GALNTL6: variants seen among roughly 807,000 people sequenced by gnomAD.
The protein encoded by GALNTL6 is polypeptide N-acetylgalactosaminyltransferase like 6, also known as polypeptide N-acetylgalactosaminyltransferase-like 6.
In GALNTL6, 46 loss-of-function variants were observed where a neutral mutation model predicts 73.7. The observed-to-expected ratio is 0.62, with a 90% confidence interval of 0.49 to 0.80. The LOEUF is 0.80. Ranked by LOEUF, GALNTL6 falls within the 30% of genes least tolerant of loss-of-function variation. GALNTL6 has a pLI of 0.00. For synonymous variants in GALNTL6, 259 were observed against 263.7 expected, an observed-to-expected ratio of 0.98 and a Z score of 0.17; for missense variants, 604 against 755.0, an observed-to-expected ratio of 0.80 and a Z score of 2.34.
chr4:171,845,326 A>C (rs2110850691), intron 2 of GALNTL6, among the ~76,000 whole-genome samples: 1 of 152,314 alleles, frequency 6.6e-6, no homozygotes, highest in African/African-American at 2.4e-5. Flanking sequence ...CCGTAGGAAT[A>C]TGAGTTCTGG....
chr4:172,013,559 T>TC (rs1741088383), intron 2 of GALNTL6, among the ~76,000 whole-genome samples: 1 of 149,186 alleles, frequency 6.7e-6, no homozygotes, highest in Non-Finnish European at 1.5e-5. Context: ...TTAAAATCTT[T>TC]TCTTTTTAAT....
At chr4:172,254,355 C>A (rs900688464) in intron 3 of GALNTL6, among the ~76,000 whole-genome samples, 5 of 151,616 alleles carry the variant, frequency 3.3e-5, no homozygotes, top group African/African-American at 4.8e-5. Flanking sequence ...AGAGGGAGGC[C>A]ATCTTTTAAC....
At chr4:171,934,705 T>C (rs1445702517) in intron 2 of GALNTL6, among the ~76,000 whole-genome samples, 1 of 152,130 alleles carries the variant, frequency 6.6e-6, no homozygotes, top group Non-Finnish European at 1.5e-5. Flanking sequence ...CATGAGCCAC[T>C]GCACCCAGCC....
At chr4:172,913,686 G>C (rs1747342201) in intron 8 of GALNTL6, among the ~76,000 whole-genome samples, 1 of 151,790 alleles carries the variant, frequency 6.6e-6, no homozygotes, top group Admixed American at 6.6e-5. Context: ...AAGAGAAGTT[G>C]AAAGAAAAAA....
At chr4:172,401,986 T>C (rs1744059952) in intron 5 of GALNTL6, among the ~76,000 whole-genome samples, 1 of 150,708 alleles carries the variant, frequency 6.6e-6, no homozygotes. Flanking sequence ...GAGAGATCTT[T>C]ATTAACAGAC....
rs756622111 is a variant in GALNTL6 at position 172,809,355 on chromosome 4, A to C, written c.554-6A>C. 1 of 1,612,382 alleles carries C rather than the reference A, an allele frequency of 6.2e-7. No homozygotes were observed. The highest frequency in any genetic ancestry group is 8.5e-7 in the Non-Finnish European group (1 of 1,178,890). ...TTTTTCTATGCATTCTCTACTTCCT[A>C]CCTAGAACACCTGAAGGATAAATTG... On this transcript the variant is annotated splice_region_variant and splice_polypyrimidine_tract_variant and intron_variant, in intron 5 of 12. Transcript: ENST00000506823. This position sits in a 1 kb window ranked among gnomAD's most constrained non-coding sequence, Gnocchi z 4.4.
At chr4:172,995,916 G>A (rs1017225386) in intron 10 of GALNTL6, among the ~76,000 whole-genome samples, 6 of 152,060 alleles carry the variant, frequency 3.9e-5, no homozygotes, top group Non-Finnish European at 8.8e-5. Context: ...ACCTGACCAC[G>A]CCTCTGTTCC....
intron 5 of GALNTL6, among the ~76,000 whole-genome samples, chr4:172,401,156 A>G (rs1365397071): frequency 1.3e-5 from 2 of 152,054 alleles, no homozygotes; most frequent in East Asian, 1.9e-4. Flanking sequence ...TGTTGTTTCT[A>G]TTACATGAAC....
intron 5 of GALNTL6, among the ~76,000 whole-genome samples, chr4:172,410,547 T>C (rs1416796236): frequency 2.6e-5 from 4 of 152,104 alleles, no homozygotes; most frequent in Admixed American, 2.6e-4. Flanking sequence ...ACTTACTAAT[T>C]AGCTAACTGC....
chr4:172,562,335 C>T (rs938532817), intron 5 of GALNTL6, among the ~76,000 whole-genome samples: 2 of 152,168 alleles, frequency 1.3e-5, no homozygotes, highest in Non-Finnish European at 2.9e-5. Context: ...TACCATTCAG[C>T]AAGAATGTAT....
chr4:171,963,792 G>A (rs1487635632), intron 2 of GALNTL6, among the ~76,000 whole-genome samples: 1 of 151,496 alleles, frequency 6.6e-6, no homozygotes, highest in African/African-American at 2.4e-5. Flanking sequence ...GGAAGAGAGA[G>A]AATAAAAGGC....
chr4:172,535,318 TC>T (rs903063193), intron 5 of GALNTL6, among the ~76,000 whole-genome samples: 2 of 152,200 alleles, frequency 1.3e-5, no homozygotes, highest in Middle Eastern at 3.2e-3. Context: ...GTTTATTCAT[TC>T]CAGTGATTCT....
intron 5 of GALNTL6, among the ~76,000 whole-genome samples, chr4:172,705,658 T>C (rs1275269814): frequency 6.6e-6 from 1 of 152,056 alleles, no homozygotes; most frequent in East Asian, 1.9e-4. Context: ...GAACTCCCTT[T>C]AGCATTCTTA....
chr4:171,859,300 T>C (rs1239640600), intron 2 of GALNTL6, among the ~76,000 whole-genome samples: 4 of 152,220 alleles, frequency 2.6e-5, no homozygotes, highest in Non-Finnish European at 5.9e-5. Flanking sequence ...GTTATTTATA[T>C]TTTAATCTAA....
At chr4:173,038,247 G>A (rs188354006) in intron 12 of GALNTL6, among the ~76,000 whole-genome samples, 1 of 152,330 alleles carries the variant, frequency 6.6e-6, no homozygotes, top group East Asian at 1.9e-4. Flanking sequence ...TTGGGGCTGG[G>A]AGAATGAGCA....
At chr4:172,353,693 C>G (rs923258040) in intron 5 of GALNTL6, among the ~76,000 whole-genome samples, 6 of 151,338 alleles carry the variant, frequency 4.0e-5, no homozygotes, top group Non-Finnish European at 8.8e-5. Context: ...AGATTTTATG[C>G]CAAGTTCACA....
rs141448718 is a variant in GALNTL6 at position 172,542,953 on chromosome 4, C to T, written c.553+194264C>T. 1.4e-4 allele frequency among the ~76,000 whole-genome samples: 22 copies of T among 151,984 alleles called. No individual in the cohort carries two copies. In the East Asian group the frequency reaches 3.9e-3, roughly 27 times the overall value. ...TAAAAAAAAAAATACAAAAATTAGC[C>T]GGGCGTGGTGGCACGTGCCTGTAAT... On this transcript the variant is annotated intron_variant, in intron 5 of 12. Transcript: ENST00000506823.
intron 3 of GALNTL6, among the ~76,000 whole-genome samples, chr4:172,276,283 G>T (rs1283176200): frequency 6.6e-6 from 1 of 152,124 alleles, no homozygotes; most frequent in Non-Finnish European, 1.5e-5. Flanking sequence ...CAGTCATTCT[G>T]TTACCATGAG....
rs927938752 is a variant in GALNTL6, at chr4:172,775,937, G to C, written c.554-33424G>C. On this transcript the variant is annotated intron_variant, in intron 5 of 12. Transcript: ENST00000506823. ...GATGGCTAACAAAGAGCTGGCCCTA[G>C]GTCCTACAGCTGGAAGAAAATGAAT... 2.6e-5 allele frequency among the ~76,000 whole-genome samples: 4 copies of C among 152,202 alleles called. No homozygotes were observed. The East Asian group carries it at 7.8e-4, about 30-fold the overall frequency.
Sources: allele counts gnomAD v4.1 joint callset (sites outside exome capture counted in the v4.1 genomes callset), GRCh38; gene constraint gnomAD v4.1.1; non-coding constraint Gnocchi (gnomAD v3.1); transcripts MANE v1.5; gene names NCBI Gene and HGNC (gene_info 2026-07-23, HGNC 2026-07-21).